CNTNAP2: variants seen among roughly 807,000 people sequenced by gnomAD.
The protein encoded by CNTNAP2 is contactin-associated protein-like 2.
CNTNAP2 carries 98 observed loss-of-function variants against 155.2 expected under a neutral mutation model. The observed-to-expected ratio is 0.63, with a 90% CI of 0.54 to 0.75. CNTNAP2 has a LOEUF of 0.75. Ranked by LOEUF, CNTNAP2 falls within the 30% of genes least tolerant of loss-of-function variation. The pLI, the probability that CNTNAP2 is intolerant of heterozygous loss-of-function variation, is 0.00. For missense variants in CNTNAP2, 1,727 were observed against 1,688.1 expected, an observed-to-expected ratio of 1.02 and a Z score of -0.40; for synonymous variants, 651 against 631.2, an observed-to-expected ratio of 1.03 and a Z score of -0.47.
At chr7:147,011,446 G>GAAAA (rs1798622347) in intron 3 of CNTNAP2, among the ~76,000 whole-genome samples, 1 of 134,840 alleles carries the variant, frequency 7.4e-6, no homozygotes, top group Non-Finnish European at 1.6e-5. Flanking sequence ...AAAAAAAAAG[G>GAAAA]AACAAGGTTG....
chr7:148,270,168 G>A (rs761584205), intron 21 of CNTNAP2, among the ~76,000 whole-genome samples: 7 of 152,108 alleles, frequency 4.6e-5, no homozygotes, highest in African/African-American at 1.2e-4. Context: ...CTTCAAGGTC[G>A]TGAACAAATA....
chr7:147,992,092 T>G (rs1470636171), intron 15 of CNTNAP2, among the ~76,000 whole-genome samples: 1 of 127,682 alleles, frequency 7.8e-6, no homozygotes, highest in East Asian at 2.2e-4. Flanking sequence ...TACCTCTTTT[T>G]TTTTTTTTTT....
rs190232545 is a variant in CNTNAP2, at chr7:147,482,978, G to A, written c.1671-2957G>A. Reference sequence around the variant, plus strand: ...GGGGAATCATTTGAACCCAGGAGGCGGAGGTTGCAGTGAGCCGAGATGGTG... The same window carrying A: ...GGGGAATCATTTGAACCCAGGAGGCAGAGGTTGCAGTGAGCCGAGATGGTG... On this transcript the variant is annotated intron_variant, in intron 10 of 23. Transcript: ENST00000361727. Among the ~76,000 whole-genome samples the A allele has an allele frequency of 7.0e-3, 1,050 of 149,364 alleles. 42 individuals are homozygous for A. The highest frequency in any genetic ancestry group is 0.064 in the Admixed American group (963 of 14,952).
intron 15 of CNTNAP2, among the ~76,000 whole-genome samples, chr7:148,045,663 G>C (rs1802762158): frequency 6.6e-6 from 1 of 152,212 alleles, no homozygotes; most frequent in African/African-American, 2.4e-5. Flanking sequence ...AATGAAACTT[G>C]GCTGCCTTCC....
At chr7:147,659,783 T>A (rs1795583679) in intron 13 of CNTNAP2, among the ~76,000 whole-genome samples, 1 of 152,238 alleles carries the variant, frequency 6.6e-6, no homozygotes, top group African/African-American at 2.4e-5. Flanking sequence ...TGTTGCCTAA[T>A]GAGGTGATGT....
chr7:146,817,562 T>A (rs528622865), intron 2 of CNTNAP2, among the ~76,000 whole-genome samples: 1 of 152,112 alleles, frequency 6.6e-6, no homozygotes, highest in African/African-American at 2.4e-5. Flanking sequence ...GAAAGCATGA[T>A]GCTGGCATCT....
chr7:148,131,122 GTCTC>G (rs1383929028), intron 16 of CNTNAP2, among the ~76,000 whole-genome samples: 1 of 107,570 alleles, frequency 9.3e-6, no homozygotes. Context: ...TTGAGACAGA[GTCTC>G]TCTCTGTTGC....
chr7:147,569,929 T>C (rs1216483253), intron 12 of CNTNAP2, among the ~76,000 whole-genome samples: 1 of 152,176 alleles, frequency 6.6e-6, no homozygotes, highest in African/African-American at 2.4e-5. Flanking sequence ...CAAGTGTTGA[T>C]AGATTCATTT....
chr7:148,363,875 C>T (rs1168161667), intron 21 of CNTNAP2, among the ~76,000 whole-genome samples: 34 of 149,392 alleles, frequency 2.3e-4, no homozygotes, highest in Non-Finnish European at 4.6e-4. Flanking sequence ...TCCGGGTGGG[C>T]GTGGGCTTGG....
chr7:148,095,238 A>G (rs531447119), intron 15 of CNTNAP2, among the ~76,000 whole-genome samples: 17 of 152,236 alleles, frequency 1.1e-4, no homozygotes, highest in African/African-American at 3.6e-4. Flanking sequence ...TTCTGCATCA[A>G]TGCTGATGAG....
At chr7:148,142,590 G>T (rs139413810) in intron 16 of CNTNAP2, among the ~76,000 whole-genome samples, 1 of 152,140 alleles carries the variant, frequency 6.6e-6, no homozygotes, top group African/African-American at 2.4e-5. Flanking sequence ...AAACTAAACA[G>T]TGTTAGCTGG....
chr7:147,147,240 A>C (rs868383677), intron 8 of CNTNAP2, among the ~76,000 whole-genome samples: 2 of 152,276 alleles, frequency 1.3e-5, no homozygotes, highest in Middle Eastern at 3.4e-3. Flanking sequence ...AGCATGAGGG[A>C]AACTGCCCCA....
At chr7:147,177,645 A>G (rs1802376334) in intron 8 of CNTNAP2, among the ~76,000 whole-genome samples, 2 of 152,150 alleles carry the variant, frequency 1.3e-5, no homozygotes, top group Admixed American at 1.3e-4. Flanking sequence ...ATTTAAAAAT[A>G]TGTAGGCAAC....
At chr7:148,269,040 G>A (rs1796726396) in intron 21 of CNTNAP2, among the ~76,000 whole-genome samples, 1 of 152,072 alleles carries the variant, frequency 6.6e-6, no homozygotes, top group Non-Finnish European at 1.5e-5. Flanking sequence ...AAGTGGTCAA[G>A]AACAAAAAGG....
rs994411830 is a variant in CNTNAP2 at position 147,903,866 on chromosome 7, T to C, written c.2255+145T>C. 1.5e-5 allele frequency: 16 copies of C among 1,057,214 alleles called. No homozygotes were observed. The Admixed American group carries it at 3.0e-4, about 20-fold the overall frequency. 65.5% of individuals were successfully genotyped at this position (1,057,214 alleles called of 1,614,324 possible). A position where few individuals can be genotyped will look rare whatever the true frequency, so the allele number is the denominator to read the frequency against. ...CTGGAACTAACCCAACTGACAAATG[T>C]CAGGAACATACTGAAAAATATAAAA... On this transcript the variant is annotated intron_variant, in intron 14 of 23. Transcript: ENST00000361727.
intron 21 of CNTNAP2, among the ~76,000 whole-genome samples, chr7:148,342,700 T>C (rs948271859): frequency 3.9e-5 from 6 of 152,366 alleles, no homozygotes; most frequent in Admixed American, 2.6e-4. Context: ...CTGACCTTCA[T>C]TGTGGCCACA....
chr7:146,139,786 A>T (rs1198098063), intron 1 of CNTNAP2, among the ~76,000 whole-genome samples: 1 of 152,192 alleles, frequency 6.6e-6, no homozygotes, highest in Non-Finnish European at 1.5e-5. Flanking sequence ...AGTGTTTTTA[A>T]GGTCCATAAA....
At chr7:147,264,373 A>G (rs893329039) in intron 8 of CNTNAP2, among the ~76,000 whole-genome samples, 1 of 152,006 alleles carries the variant, frequency 6.6e-6, no homozygotes, top group South Asian at 2.1e-4. Flanking sequence ...CTTAGTGTCA[A>G]TGTGTTTTTA....
chr7:146,954,514 C>T (rs1255614921), intron 3 of CNTNAP2, among the ~76,000 whole-genome samples: 2 of 151,968 alleles, frequency 1.3e-5, no homozygotes, highest in African/African-American at 2.4e-5. Context: ...ATTGTTGAAT[C>T]AGTCAGGAAT....
Sources: allele counts gnomAD v4.1 joint callset (sites outside exome capture counted in the v4.1 genomes callset), GRCh38; gene constraint gnomAD v4.1.1; transcripts MANE v1.5; gene names NCBI Gene and HGNC (gene_info 2026-07-23, HGNC 2026-07-21).